PTPRG: variants seen among roughly 807,000 people sequenced by gnomAD.
PTPRG encodes the protein receptor-type tyrosine-protein phosphatase gamma.
Under a neutral mutation model 165.3 loss-of-function variants are expected in PTPRG, and 102 were observed. That is an observed-to-expected ratio of 0.62 (90% confidence interval 0.53 to 0.73). The LOEUF is 0.73. Among genes scored for constraint, PTPRG ranks in the 30% least tolerant of loss-of-function variants. The probability of loss-of-function intolerance (pLI) is 0.00; values close to 1 mark genes in which losing one functional copy is unlikely to be tolerated. For synonymous variants in PTPRG, 675 were observed against 669.5 expected, an observed-to-expected ratio of 1.01 and a Z score of -0.13; for missense variants, 1,866 against 1,861.4, an observed-to-expected ratio of 1.00 and a Z score of -0.05.
At chr3:61,834,790 G>C (rs962537877) in intron 2 of PTPRG, among the ~76,000 whole-genome samples, 1 of 151,312 alleles carries the variant, frequency 6.6e-6, no homozygotes, top group Non-Finnish European at 1.5e-5. Flanking sequence ...TCCAGCCTGG[G>C]CTGGAGTGAG....
At chr3:61,616,213 A>G (rs1701292912) in intron 1 of PTPRG, among the ~76,000 whole-genome samples, 1 of 152,132 alleles carries the variant, frequency 6.6e-6, no homozygotes, top group Non-Finnish European at 1.5e-5. Context: ...TGGCCTCCCA[A>G]AGTGCTGGGA....
At chr3:62,023,221 AATAT>A in intron 4 of PTPRG, among the ~76,000 whole-genome samples, 1 of 152,344 alleles carries the variant, frequency 6.6e-6, no homozygotes, top group South Asian at 2.1e-4. Flanking sequence ...CTCAGATATA[AATAT>A]ATTAATGAAC....
chr3:62,220,909 C>A (rs553499778), intron 13 of PTPRG, among the ~76,000 whole-genome samples: 1 of 152,276 alleles, frequency 6.6e-6, no homozygotes, highest in Non-Finnish European at 1.5e-5. Context: ...GCAATTCTGG[C>A]AAAACCCTCC....
In PTPRG at chr3:61,661,072, A is replaced by T. The variant is rs748475691; in HGVS notation, c.86-87806A>T. ...ACACTTTTTCCCCCCCTAATTAAAA[A>T]TTTTTTTTTTTTCTTTAAGAGACAA... On this transcript the variant is annotated intron_variant, in intron 1 of 29. Transcript: ENST00000474889. 5.1e-4 allele frequency among the ~76,000 whole-genome samples: 76 copies of T among 147,960 alleles called. 1 individual carries two copies. Among genetic ancestry groups the T allele is most frequent in the South Asian group, 8.6e-4 (4 of 4,628 alleles).
chr3:61,744,236 A>G (rs867475351), intron 1 of PTPRG, among the ~76,000 whole-genome samples: 10 of 152,252 alleles, frequency 6.6e-5, no homozygotes, highest in African/African-American at 2.4e-4. Flanking sequence ...AAAAAAAATC[A>G]CAGCATCGTC....
chr3:62,143,798 C>G (rs1000500582), intron 6 of PTPRG, among the ~76,000 whole-genome samples: 2 of 152,188 alleles, frequency 1.3e-5, no homozygotes, highest in Non-Finnish European at 2.9e-5. Flanking sequence ...GGTTTGAATT[C>G]TGGCTCTCCA....
intron 2 of PTPRG, among the ~76,000 whole-genome samples, chr3:61,867,389 G>C (rs2107427668): frequency 6.6e-6 from 1 of 152,264 alleles, no homozygotes; most frequent in South Asian, 2.1e-4. Context: ...TAGTGTAAGA[G>C]GCTATGTGTG....
At chr3:61,858,200 C>G (rs940684731) in intron 2 of PTPRG, among the ~76,000 whole-genome samples, 2 of 152,118 alleles carry the variant, frequency 1.3e-5, no homozygotes, top group Non-Finnish European at 2.9e-5. Flanking sequence ...CTTTTCTTTT[C>G]TATAGTACTG....
intron 2 of PTPRG, among the ~76,000 whole-genome samples, chr3:61,980,571 ATTTGACATT>A (rs2040616967): frequency 6.6e-6 from 1 of 152,122 alleles, no homozygotes; most frequent in Admixed American, 6.6e-5. Flanking sequence ...TGTCTTTATA[ATTTGACATT>A]TTCGTCTTAG....
intron 3 of PTPRG, among the ~76,000 whole-genome samples, chr3:61,998,823 C>T (rs1262407433): frequency 6.6e-6 from 1 of 152,222 alleles, no homozygotes; most frequent in Admixed American, 6.5e-5. Flanking sequence ...ATAGACCTTT[C>T]CTGTCTTTGC....
chr3:62,188,677 TG>T (rs2106797271), intron 8 of PTPRG, among the ~76,000 whole-genome samples: 1 of 152,328 alleles, frequency 6.6e-6, no homozygotes, highest in South Asian at 2.1e-4. Flanking sequence ...CATCTGTATG[TG>T]GGTGACAGAA....
intron 4 of PTPRG, among the ~76,000 whole-genome samples, chr3:62,023,163 G>A (rs775294854): frequency 4.6e-5 from 7 of 151,956 alleles, no homozygotes; most frequent in Non-Finnish European, 1.0e-4. Context: ...ATTATCTTAT[G>A]AGTTAATTAT....
At chr3:61,833,352 G>A (rs139297991) in intron 2 of PTPRG, among the ~76,000 whole-genome samples, 3 of 152,172 alleles carry the variant, frequency 2.0e-5, no homozygotes, top group East Asian at 1.9e-4. Flanking sequence ...GCTTAAAAAC[G>A]TGCAGAAGAA....
chr3:61,806,637 C>T (rs2035426820), intron 2 of PTPRG, among the ~76,000 whole-genome samples: 1 of 152,020 alleles, frequency 6.6e-6, no homozygotes, highest in Admixed American at 6.6e-5. Context: ...GGGTAGTTAG[C>T]AAACCTGTGT....
intron 2 of PTPRG, among the ~76,000 whole-genome samples, chr3:61,968,598 CCTTGCCA>C (rs1262948066): frequency 2.6e-5 from 4 of 152,132 alleles, no homozygotes; most frequent in Non-Finnish European, 4.4e-5. Flanking sequence ...GCCATTGTAT[CCTTGCCA>C]CTGGTAGCTT....
intron 2 of PTPRG, among the ~76,000 whole-genome samples, chr3:61,786,942 T>C (rs181339640): frequency 6.6e-6 from 1 of 152,286 alleles, no homozygotes; most frequent in Non-Finnish European, 1.5e-5. Context: ...TGATCTCCCA[T>C]GTGTCAATGC....
chr3:62,075,864 A>G (rs1464819709), intron 4 of PTPRG, among the ~76,000 whole-genome samples: 10 of 152,186 alleles, frequency 6.6e-5, no homozygotes, highest in Non-Finnish European at 1.3e-4. Context: ...TGAAAGAACT[A>G]ATTATATAGA....
At position 62,233,249 on chromosome 3, in the gene PTPRG, G is replaced by A. The variant is rs1387069778; in HGVS notation, c.2375+1938G>A. ...TAAGTACTCCATGAAAACGATATGGGCCAGATACAGATCCTGTCCTCAAGG... is the reference window on the plus strand; with the variant it reads ...TAAGTACTCCATGAAAACGATATGGACCAGATACAGATCCTGTCCTCAAGG... On this transcript the variant is annotated intron_variant, in intron 14 of 29. Transcript: ENST00000474889. This position sits in a 1 kb window ranked among gnomAD's most constrained non-coding sequence, Gnocchi z 4.7. Among the ~76,000 whole-genome samples the A allele has an allele frequency of 6.6e-6, 1 of 152,076 alleles. No homozygotes were observed. Among genetic ancestry groups the A allele is most frequent in the Non-Finnish European group, 1.5e-5 (1 of 68,016 alleles).
intron 2 of PTPRG, among the ~76,000 whole-genome samples, chr3:61,843,623 G>A (rs1427573942): frequency 6.6e-6 from 1 of 152,036 alleles, no homozygotes; most frequent in African/African-American, 2.4e-5. Context: ...AAACTAAGAG[G>A]TTTATCCCTA....
Sources: allele counts gnomAD v4.1 joint callset (sites outside exome capture counted in the v4.1 genomes callset), GRCh38; gene constraint gnomAD v4.1.1; non-coding constraint Gnocchi (gnomAD v3.1); transcripts MANE v1.5; gene names NCBI Gene and HGNC (gene_info 2026-07-23, HGNC 2026-07-21).